The following EIF5A variants were observed in gnomAD, a reference collection of about 807,000 sequenced individuals.
EIF5A encodes the protein eukaryotic translation initiation factor 5A-1.
Under a neutral mutation model 16.6 loss-of-function variants are expected in EIF5A, and 1 was observed. The ratio of observed to expected loss-of-function variants is 0.06; its 90% CI spans 0.02 to 0.28. The LOEUF is 0.28. Among genes scored for constraint, EIF5A ranks in the 10% least tolerant of loss-of-function variants. EIF5A has a pLI of 1.00. For missense variants in EIF5A, 29 were observed against 196.1 expected, an observed-to-expected ratio of 0.15 and a Z score of 5.09; for synonymous variants, 80 against 73.6, an observed-to-expected ratio of 1.09 and a Z score of -0.44.
upstream of EIF5A, chr17:7,307,352 T>C: frequency 8.1e-7 from 1 of 1,236,390 alleles, no homozygotes; most frequent in Non-Finnish European, 1.0e-6. Context: ...GACTGCCCGG[T>C]AGGACGAGCG....
chr17:7,311,498 C>T lies in EIF5A; in HGVS notation c.402+17C>T. On this transcript the variant is annotated intron_variant, in intron 4 of 5. Transcript: ENST00000336458. ...GAGATCCTGGTATGGTGCCTCCCTC[C>T]CTGCTTCTGTGCTCAGCTTTGTTCT... 6.2e-7 allele frequency: 1 copy of T among 1,614,104 alleles called. No individual in the cohort carries two copies. The highest frequency in any genetic ancestry group is 8.5e-7 in the Non-Finnish European group (1 of 1,180,010).
chr17:7,310,920 G>A (rs2072806357), intron 2 of EIF5A, 98 bp from the exon 3 acceptor site: 1 of 1,477,438 alleles, frequency 6.8e-7, no homozygotes, highest in African/African-American at 1.4e-5. Flanking sequence ...CCCCAACAAT[G>A]TAATTCTGAC....
At chr17:7,310,281 A>T in intron 2 of EIF5A, 1 of 1,287,200 alleles carries the variant, frequency 7.8e-7, no homozygotes, top group Non-Finnish European at 1.0e-6. Context: ...TCCCTTTGGA[A>T]CTCTGACGCA....
chr17:7,308,155 G>C (rs1435484342), intron 1 of EIF5A: 1 of 634,088 alleles, frequency 1.6e-6, no homozygotes, highest in East Asian at 1.5e-4. Context: ...TGATGGGGGG[G>C]GTTGGCGGAC....
Position 7,309,689 on chromosome 17 carries a change from C to T in EIF5A, c.54C>T (p.Phe18=), listed in dbSNP as rs1217971736. ...GAGATGCAGGGGCCTCAGCCACCTTCCCAATGCAGTGCTCAGCATTACGTA... is the reference window on the plus strand; with the variant it reads ...GAGATGCAGGGGCCTCAGCCACCTTTCCAATGCAGTGCTCAGCATTACGTA... ...ETGDAGASAT[F]PMQCSALRKN... is the part of the protein sequence containing the mutation. Residue 18 remains phenylalanine, a synonymous_variant, in exon 2 of 6, where the codon TTC becomes TTT. Transcript: ENST00000336458. 6.2e-7 allele frequency: 1 copy of T among 1,614,224 alleles called. No homozygotes were observed. The highest frequency in any genetic ancestry group is 8.5e-7 in the Non-Finnish European group (1 of 1,180,038).
At chr17:7,311,238 AG>A in intron 3 of EIF5A, 111 bp from the exon 4 acceptor site, 3 of 1,581,638 alleles carry the variant, frequency 1.9e-6, no homozygotes, top group Non-Finnish European at 2.6e-6. Flanking sequence ...ATGGCAGGAG[AG>A]GGTGTTTGGT....
chr17:7,307,963 C>T, intron 1 of EIF5A: 1 of 983,512 alleles, frequency 1.0e-6, no homozygotes, highest in South Asian at 4.7e-5. Flanking sequence ...GACGTTGGAG[C>T]GACGCAGGGC....
intron 1 of EIF5A, 36 bp from the exon 2 acceptor site, chr17:7,309,579 C>T (rs561958950): frequency 3.1e-6 from 5 of 1,612,666 alleles, no homozygotes; most frequent in East Asian, 4.5e-5. Context: ...TGTTGACCTC[C>T]ATGCTTATTC....
intron 1 of EIF5A, among the ~76,000 whole-genome samples, chr17:7,309,217 T>C (rs2072740098): frequency 6.8e-6 from 1 of 146,832 alleles, no homozygotes; most frequent in Non-Finnish European, 1.5e-5. Context: ...TTTTGCTGGA[T>C]CATAGCTGCT....
intron 2 of EIF5A, chr17:7,310,681 G>T: frequency 7.1e-6 from 7 of 985,158 alleles, no homozygotes; most frequent in Non-Finnish European, 8.4e-6. Context: ...TCCTTCTCCT[G>T]GTGTCCGGAA....
chr17:7,311,712 G>A (rs1028292039), intron 5 of EIF5A, 61 bp downstream of exon 5: 5 of 1,602,008 alleles, frequency 3.1e-6, no homozygotes, highest in East Asian at 2.2e-5. Context: ...CAGAGCTGCT[G>A]TAGTCTTAAT....
rs2072693570 is a variant in EIF5A, at chr17:7,308,287, A to G, written c.-22+535A>G. The G allele has an allele frequency of 8.0e-6, 9 of 1,123,524 alleles. No homozygotes were observed. The Admixed American group carries it at 1.8e-4, about 22-fold the overall frequency. The allele number at this position is 1,123,524 out of a possible 1,614,324, so 69.6% of individuals were successfully genotyped here. The stretch of plus-strand genomic sequence containing the variant: ...CTCGGGGTCGCAGGCCGCATGGCCA[A>G]GCGTGGACCGGGGCCGCATGGCAGC... On this transcript the variant is annotated intron_variant, in intron 1 of 5. Transcript: ENST00000336458.
chr17:7,307,197 G>A (rs778984326), upstream of EIF5A: 15 of 1,444,724 alleles, frequency 1.0e-5, no homozygotes, highest in Middle Eastern at 1.7e-4. Flanking sequence ...GTGATCTAGC[G>A]GCGTGGTCTT....
At position 7,309,595 on chromosome 17, in the gene EIF5A, A is replaced by T; in HGVS notation, c.-21-20A>T. 6.2e-7 allele frequency: 1 copy of T among 1,613,858 alleles called. No homozygotes were observed. The highest frequency in any genetic ancestry group is 8.5e-7 in the Non-Finnish European group (1 of 1,179,986). ...GTTGACCTCCATGCTTATTCACTTCAGTTCTCTTCTTGGCTCTAGTTGGAA... is the reference window on the plus strand; with the variant it reads ...GTTGACCTCCATGCTTATTCACTTCTGTTCTCTTCTTGGCTCTAGTTGGAA... On this transcript the variant is annotated intron_variant, in intron 1 of 5. Coordinates refer to ENST00000336458, the MANE Select transcript of EIF5A (RefSeq NM_001970.5).
Sources: gnomAD v4.1 joint callset for allele counts (sites outside exome capture counted in the v4.1 genomes callset) on GRCh38, gnomAD v4.1.1 for gene constraint, MANE v1.5 for transcripts, NCBI Gene and HGNC (gene_info 2026-07-23, HGNC 2026-07-21) for gene names.